The following RABGEF1 variants were observed in gnomAD, a reference collection of about 807,000 sequenced individuals.
The protein encoded by RABGEF1 is RAB guanine nucleotide exchange factor 1.
RABGEF1 carries 26 observed loss-of-function variants against 57.3 expected under a neutral mutation model. That is an observed-to-expected ratio of 0.45 (90% CI 0.33 to 0.63). The LOEUF is 0.63. Ranked by LOEUF, RABGEF1 falls within the 20% of genes least tolerant of loss-of-function variation. RABGEF1 has a pLI of 0.02. For missense variants in RABGEF1, 464 were observed against 607.6 expected, an observed-to-expected ratio of 0.76 and a Z score of 2.48; for synonymous variants, 185 against 210.7, an observed-to-expected ratio of 0.88 and a Z score of 1.06.
At chr7:66,677,871 G>C (rs191767271), upstream of RABGEF1, among the ~76,000 whole-genome samples, 343 of 151,392 alleles carry the variant, frequency 2.3e-3, 2 homozygotes, top group African/African-American at 8.1e-3. Flanking sequence ...TTTGAGACCA[G>C]CCTGGCAACA....
At chr7:66,667,837 G>A in the RABGEF1 span, among the ~76,000 whole-genome samples, 10 of 151,788 alleles carry the variant, frequency 6.6e-5, no homozygotes, top group African/African-American at 1.7e-4. Context: ...TTGCTCTGTC[G>A]CCCAGGCTGG....
chr7:66,782,767 C>T (rs1023680526), intron 3 of RABGEF1, among the ~76,000 whole-genome samples: 2 of 151,520 alleles, frequency 1.3e-5, no homozygotes, highest in African/African-American at 4.8e-5. Context: ...GCCTGGGCGA[C>T]AGAGCAAGAC....
chr7:66,802,549 TAGAC>T (rs2129184399), intron 7 of RABGEF1, among the ~76,000 whole-genome samples: 1 of 152,352 alleles, frequency 6.6e-6, no homozygotes, highest in East Asian at 1.9e-4. Context: ...GGGAAATTAT[TAGAC>T]AGCAGTGAGT....
At chr7:66,789,226 C>A (rs1166032749) in intron 4 of RABGEF1, among the ~76,000 whole-genome samples, 1 of 152,096 alleles carries the variant, frequency 6.6e-6, no homozygotes, top group East Asian at 1.9e-4. Flanking sequence ...AAACAAAGAA[C>A]CTTTAACTAG....
intron 1 of RABGEF1, among the ~76,000 whole-genome samples, chr7:66,742,228 ATTG>A (rs1257568819): frequency 2.0e-5 from 3 of 152,186 alleles, no homozygotes; most frequent in Non-Finnish European, 4.4e-5. Flanking sequence ...ATGTGATTAT[ATTG>A]TTAATATTTA....
chr7:66,701,498 C>CTT (rs1261259435), intron 1 of RABGEF1, among the ~76,000 whole-genome samples: 2,910 of 128,752 alleles, frequency 0.023, 64 homozygotes, highest in East Asian at 0.088. Flanking sequence ...GACTCTGACT[C>CTT]TTTTTTTTTT....
chr7:66,682,827 G>T (rs533223461), intron 1 of RABGEF1, among the ~76,000 whole-genome samples: 58 of 152,358 alleles, frequency 3.8e-4, no homozygotes, highest in Middle Eastern at 3.4e-3. Flanking sequence ...GAGGCTGCGG[G>T]GCCGGGGTTA....
chr7:66,721,606 T>TC (rs535600297), intron 2 of RABGEF1, among the ~76,000 whole-genome samples: 129 of 152,082 alleles, frequency 8.5e-4, no homozygotes, highest in African/African-American at 3.0e-3. Context: ...CCCTCCTGCC[T>TC]CCCCCCTTAT....
intron 1 of RABGEF1, among the ~76,000 whole-genome samples, chr7:66,760,122 G>T (rs192839351): frequency 6.6e-6 from 1 of 152,186 alleles, no homozygotes; most frequent in Non-Finnish European, 1.5e-5. Context: ...CTGAGAATGT[G>T]CATCATTTGA....
At chr7:66,670,243 C>T in the RABGEF1 span, among the ~76,000 whole-genome samples, 2 of 152,046 alleles carry the variant, frequency 1.3e-5, no homozygotes, top group African/African-American at 4.8e-5. Context: ...TTCCCTTTGC[C>T]TGGATGCTCT....
chr7:66,782,230 A>G (rs886362602), intron 3 of RABGEF1, among the ~76,000 whole-genome samples: 1 of 152,224 alleles, frequency 6.6e-6, no homozygotes, highest in African/African-American at 2.4e-5. Context: ...TACTTAAAAC[A>G]TAGTATATCC....
At chr7:66,808,768 T>A (rs923747096) in intron 8 of RABGEF1, 118 bp from the exon 9 acceptor site, 9 of 1,094,592 alleles carry the variant, frequency 8.2e-6, no homozygotes, top group Middle Eastern at 3.0e-4. Flanking sequence ...AGTTCATGAG[T>A]TTGTTTTGTT....
At chr7:66,680,680 C>G (rs1789647676), upstream of RABGEF1, among the ~76,000 whole-genome samples, 1 of 152,082 alleles carries the variant, frequency 6.6e-6, no homozygotes, top group African/African-American at 2.4e-5. Context: ...GGCGCGGTGG[C>G]TCACGCCTGT....
chr7:66,723,916 T>C (rs1402480064), intron 2 of RABGEF1, among the ~76,000 whole-genome samples: 2 of 152,192 alleles, frequency 1.3e-5, no homozygotes, highest in Non-Finnish European at 2.9e-5. Context: ...AGAGAAAATA[T>C]CTGTTACATT....
the RABGEF1 span, among the ~76,000 whole-genome samples, chr7:66,664,034 A>G: frequency 6.6e-5 from 10 of 151,230 alleles, no homozygotes; most frequent in Non-Finnish European, 1.0e-4. Flanking sequence ...AGATTGTGCT[A>G]CTGCACTCGA....
At chr7:66,799,631 T>A (rs1205329453) in intron 7 of RABGEF1, among the ~76,000 whole-genome samples, 1 of 152,238 alleles carries the variant, frequency 6.6e-6, no homozygotes, top group East Asian at 1.9e-4. Context: ...TCTCGTTTCT[T>A]GGGCATTAAA....
At chr7:66,683,604 T>C (rs2117031057) in intron 1 of RABGEF1, among the ~76,000 whole-genome samples, 1 of 152,126 alleles carries the variant, frequency 6.6e-6, no homozygotes, top group Middle Eastern at 3.4e-3. Context: ...GTGTGGAGCC[T>C]GGAAGGGATC....
intron 1 of RABGEF1, among the ~76,000 whole-genome samples, chr7:66,706,194 G>A (rs1794066663): frequency 6.6e-6 from 1 of 151,918 alleles, no homozygotes; most frequent in Admixed American, 6.6e-5. Context: ...GAGCCACCGT[G>A]CCCGGCCTGT....
intron 1 of RABGEF1, among the ~76,000 whole-genome samples, chr7:66,769,424 C>T (rs572044146): frequency 1.2e-4 from 18 of 152,290 alleles, no homozygotes; most frequent in African/African-American, 3.9e-4. Flanking sequence ...ATTGTTGTTT[C>T]AGACAAAGAT....
Sources: gnomAD v4.1 joint callset for allele counts (sites outside exome capture counted in the v4.1 genomes callset) on GRCh38, gnomAD v4.1.1 for gene constraint, MANE v1.5 for transcripts, NCBI Gene and HGNC (gene_info 2026-07-23, HGNC 2026-07-21) for gene names.